Variants in EXOC1 observed in about 807,000 individuals in gnomAD.
EXOC1 encodes the protein SEC3-like 1.
Under a neutral mutation model 107.7 loss-of-function variants are expected in EXOC1, and 67 were observed. That is an observed-to-expected ratio of 0.62 (90% CI 0.51 to 0.76). The LOEUF is 0.76. Among genes scored for constraint, EXOC1 ranks in the 30% least tolerant of loss-of-function variants. The probability of loss-of-function intolerance (pLI) is 0.00; values close to 1 mark genes in which losing one functional copy is unlikely to be tolerated. For missense variants in EXOC1, 833 were observed against 1,055.7 expected, an observed-to-expected ratio of 0.79 and a Z score of 2.92; for synonymous variants, 348 against 353.5, an observed-to-expected ratio of 0.98 and a Z score of 0.17.
At chr4:55,872,046 T>C in intron 8 of EXOC1, 88 bp downstream of exon 8, 1 of 1,164,942 alleles carries the variant, frequency 8.6e-7, no homozygotes, top group Non-Finnish European at 1.2e-6. Context: ...TTAATATGTT[T>C]AATTGGGGTT....
chr4:55,870,937 A>C (rs1306795060), intron 6 of EXOC1, 32 bp downstream of exon 6: 2 of 1,579,038 alleles, frequency 1.3e-6, no homozygotes, highest in Non-Finnish European at 1.7e-6. Context: ...CAACAAAAAA[A>C]AACTAGTGAT....
At chr4:55,871,032 C>G in intron 6 of EXOC1, 69 bp from the exon 7 acceptor site, 1 of 1,582,102 alleles carries the variant, frequency 6.3e-7, no homozygotes, top group Non-Finnish European at 8.6e-7. Flanking sequence ...AATGATAGGA[C>G]TGAATAGCAT....
At chr4:55,859,356 C>A (rs1299943458) in intron 2 of EXOC1, among the ~76,000 whole-genome samples, 2 of 151,934 alleles carry the variant, frequency 1.3e-5, no homozygotes, top group Non-Finnish European at 2.9e-5. Context: ...TGGATTTACT[C>A]CTGAGTATTG....
intron 10 of EXOC1, among the ~76,000 whole-genome samples, chr4:55,884,149 G>A (rs1222528784): frequency 1.3e-5 from 2 of 152,136 alleles, no homozygotes; most frequent in Non-Finnish European, 2.9e-5. Flanking sequence ...CTGTGACAGC[G>A]ATTGTGTATT....
rs559715838 is a variant in EXOC1, at chr4:55,895,783, G to A, written c.1954-934G>A. Among the ~76,000 whole-genome samples, 10 of 151,360 alleles carry A rather than the reference G, an allele frequency of 6.6e-5. No individual in the cohort carries two copies. The South Asian group carries it at 1.9e-3, about 29-fold the overall frequency. ...TTTCTTTCGCATTTTGTCATATAAT[G>A]CACAAGCAGTTTGTGGAACTAAGGC... On this transcript the variant is annotated intron_variant, in intron 15 of 18. Transcript: ENST00000381295.
chr4:55,870,563 A>G (rs1722330733), intron 5 of EXOC1, 115 bp from the exon 6 acceptor site: 5 of 935,102 alleles, frequency 5.3e-6, no homozygotes, highest in East Asian at 2.6e-5. Context: ...TTGTTATGCT[A>G]CTTTCAAGGA....
Position 55,896,916 on chromosome 4 carries a change from G to T in EXOC1, c.2137+16G>T, listed in dbSNP as rs1302397445. ...TTTGTTAATGGTAAGCTTTTGTTAT[G>T]TTCTAAAGAATTGTTATAGCTATTG... is the stretch of plus-strand genomic sequence containing the variant. On this transcript the variant is annotated intron_variant, in intron 16 of 18. Transcript: ENST00000381295. The T allele has an allele frequency of 1.3e-6, 2 of 1,562,584 alleles. No homozygotes were observed. The highest frequency in any genetic ancestry group is 1.7e-6 in the Non-Finnish European group (2 of 1,162,984).
At chr4:55,893,088 A>G (rs549951303) in intron 14 of EXOC1, among the ~76,000 whole-genome samples, 1 of 152,232 alleles carries the variant, frequency 6.6e-6, no homozygotes, top group Non-Finnish European at 1.5e-5. Context: ...AACTACTATA[A>G]TCATATTTAG....
chr4:55,895,874 T>G (rs1286668320), intron 15 of EXOC1, among the ~76,000 whole-genome samples: 5 of 152,212 alleles, frequency 3.3e-5, no homozygotes, highest in Admixed American at 3.3e-4. Flanking sequence ...CTATCCTCCC[T>G]CTTTGTTTCT....
intron 10 of EXOC1, 76 bp from the exon 11 acceptor site, chr4:55,888,812 C>T (rs868853817): frequency 1.4e-6 from 2 of 1,466,690 alleles, no homozygotes; most frequent in Middle Eastern, 1.7e-4. Context: ...TTAACTTCCT[C>T]TTGTGCATGG....
chr4:55,880,333 C>T (rs1388793916), intron 9 of EXOC1, among the ~76,000 whole-genome samples: 2 of 151,490 alleles, frequency 1.3e-5, no homozygotes, highest in African/African-American at 2.4e-5. Flanking sequence ...TCCTGAGGTG[C>T]TTATATACTT....
At position 55,899,699 on chromosome 4, in the gene EXOC1, A is replaced by G; in HGVS notation, c.2152A>G (p.Asn718Asp). Residue 718 changes from asparagine to aspartate, a missense_variant, in exon 17 of 19, where the codon AAT becomes GAT. Asn to Asp is a conservative substitution (Grantham distance 23). Coordinates refer to ENST00000381295, the MANE Select transcript of EXOC1 (RefSeq NM_001024924.2). ...GVFVNVEKVA[N>D]ESQKTPRDVV... The stretch of plus-strand genomic sequence containing the variant: ...TTTGGTTTTAGTGGAGAAAGTAGCA[A>G]ATGAAAGCCAGAAGACCCCCAGGGA... 6.2e-7 allele frequency: 1 copy of G among 1,610,810 alleles called. No individual in the cohort carries two copies. Among genetic ancestry groups the G allele is most frequent in the Non-Finnish European group, 8.5e-7 (1 of 1,178,874 alleles).
chr4:55,865,419 T>G (rs535836513), intron 4 of EXOC1, among the ~76,000 whole-genome samples: 47 of 152,314 alleles, frequency 3.1e-4, no homozygotes, highest in African/African-American at 1.1e-3. Context: ...CAGCCACCAG[T>G]AGTGCTGGTC....
intron 9 of EXOC1, among the ~76,000 whole-genome samples, chr4:55,880,900 T>C (rs1723320710): frequency 6.6e-6 from 1 of 152,160 alleles, no homozygotes; most frequent in Non-Finnish European, 1.5e-5. Flanking sequence ...ATCATCTAAT[T>C]TGGTTGCTGA....
At position 55,868,468 on chromosome 4, in the gene EXOC1, C is replaced by T. The variant is rs772571818; in HGVS notation, c.548C>T (p.Ser183Leu). ...IMMEGCEYAI[S>L]NAEAFAEKLS... ...ATGGAAGGCTGTGAATATGCAATCT[C>T]GAATGCGGAAGCCTTTGCAGAAAAA... Residue 183 changes from serine to leucine, a missense_variant, in exon 5 of 19, where the codon TCG (serine) becomes TTG (leucine). By Grantham distance (145) the Ser-to-Leu change is moderately radical. Transcript: ENST00000381295. The T allele has an allele frequency of 1.9e-6, 3 of 1,613,370 alleles. No homozygotes were observed. Among genetic ancestry groups the T allele is most frequent in the South Asian group, 2.2e-5 (2 of 91,032 alleles).
intron 8 of EXOC1, among the ~76,000 whole-genome samples, chr4:55,875,086 T>C (rs1241054248): frequency 6.6e-6 from 1 of 152,152 alleles, no homozygotes; most frequent in Non-Finnish European, 1.5e-5. Flanking sequence ...TAAACTGAAA[T>C]GCACTGAACT....
At position 55,883,850 on chromosome 4, in the gene EXOC1, T is replaced by C; in HGVS notation, c.1252T>C (p.Tyr418His). Residue 418 changes from tyrosine (Y) to histidine (H), a missense_variant, in exon 10 of 19, where the codon TAT becomes CAT. Physicochemically the swap from Tyr to His is moderately conservative, Grantham distance 83. Coordinates refer to ENST00000381295, the MANE Select transcript of EXOC1 (RefSeq NM_001024924.2). The part of the protein sequence containing the change: ...KNYMDYLSRL[Y>H]EREIKDFFEV... The stretch of plus-strand genomic sequence containing the variant: ...TTACATGGATTATTTATCCCGACTA[T>C]ATGAAAGAGAAATCAAAGATTTCTT... The C allele has an allele frequency of 6.2e-7, 1 of 1,602,176 alleles. No homozygotes were observed. Among genetic ancestry groups the C allele is most frequent in the African/African-American group, 1.3e-5 (1 of 74,404 alleles).
At chr4:55,898,982 A>T (rs1368227622) in intron 16 of EXOC1, among the ~76,000 whole-genome samples, 1 of 152,156 alleles carries the variant, frequency 6.6e-6, no homozygotes, top group Non-Finnish European at 1.5e-5. Context: ...CCAAATTGTG[A>T]TACAGAAAGC....
chr4:55,886,544 C>T (rs1723892027), intron 10 of EXOC1, among the ~76,000 whole-genome samples: 1 of 149,570 alleles, frequency 6.7e-6, no homozygotes. Context: ...CAGAGCAAGA[C>T]CCTGTCTCAA....
Sources: gnomAD v4.1 joint callset for allele counts (sites outside exome capture counted in the v4.1 genomes callset) on GRCh38, gnomAD v4.1.1 for gene constraint, MANE v1.5 for transcripts, NCBI Gene and HGNC (gene_info 2026-07-23, HGNC 2026-07-21) for gene names.